Variants in GRM1 observed in about 807,000 individuals in gnomAD.
The protein encoded by GRM1 is glutamate metabotropic receptor 1.
A neutral mutation model predicts 90.9 loss-of-function variants in GRM1; 33 were observed. That is an observed-to-expected ratio of 0.36 (90% CI 0.28 to 0.49). The LOEUF is 0.49. Among genes scored for constraint, GRM1 ranks in the 20% least tolerant of loss-of-function variants. GRM1 has a pLI of 0.99. For synonymous variants in GRM1, 700 were observed against 613.2 expected, an observed-to-expected ratio of 1.14 and a Z score of -2.09; for missense variants, 1,190 against 1,534.3, an observed-to-expected ratio of 0.78 and a Z score of 3.75.
chr6:146,281,114 T>G (rs1367663352), intron 2 of GRM1, among the ~76,000 whole-genome samples: 3 of 152,190 alleles, frequency 2.0e-5, no homozygotes, highest in African/African-American at 7.2e-5. Flanking sequence ...ACAAAAACAT[T>G]TGGAAGAATT....
chr6:146,081,849 A>G (rs537224203), intron 1 of GRM1, among the ~76,000 whole-genome samples: 80 of 152,308 alleles, frequency 5.3e-4, no homozygotes, highest in Non-Finnish European at 9.7e-4. Context: ...AATAATAACT[A>G]TACAAAGTTT....
intron 2 of GRM1, among the ~76,000 whole-genome samples, chr6:146,196,097 G>T (rs1007522020): frequency 8.5e-5 from 13 of 152,186 alleles, no homozygotes; most frequent in African/African-American, 3.1e-4. Flanking sequence ...CAAGGCTGTT[G>T]TTGGTGCATG....
chr6:146,335,083 T>C (rs2115002446), intron 3 of GRM1, among the ~76,000 whole-genome samples: 1 of 152,290 alleles, frequency 6.6e-6, no homozygotes, highest in South Asian at 2.1e-4. Context: ...GCTATCTGCT[T>C]TCAGTTAAGA....
At chr6:146,095,228 G>A (rs534329130) in intron 1 of GRM1, among the ~76,000 whole-genome samples, 5 of 152,102 alleles carry the variant, frequency 3.3e-5, no homozygotes, top group African/African-American at 1.2e-4. Context: ...GTGAACTCCT[G>A]TTCAGGCCCC....
At chr6:146,287,622 A>T (rs889296593) in intron 2 of GRM1, among the ~76,000 whole-genome samples, 8 of 152,208 alleles carry the variant, frequency 5.3e-5, no homozygotes, top group Non-Finnish European at 1.2e-4. Context: ...GTCCCTTGAA[A>T]ATATTGACCC....
intron 2 of GRM1, among the ~76,000 whole-genome samples, chr6:146,298,068 C>T (rs187053818): frequency 1.5e-3 from 229 of 152,270 alleles, no homozygotes; most frequent in African/African-American, 5.4e-3. Flanking sequence ...CCCAGCCAGG[C>T]ATGATTGCCA....
intron 7 of GRM1, among the ~76,000 whole-genome samples, chr6:146,416,901 C>A (rs1344837712): frequency 1.3e-5 from 2 of 152,088 alleles, no homozygotes; most frequent in African/African-American, 4.8e-5. Context: ...TACCCTGTGC[C>A]TTGTGTAGCC....
chr6:146,368,545 T>C (rs936706083), intron 5 of GRM1, among the ~76,000 whole-genome samples: 4 of 152,070 alleles, frequency 2.6e-5, no homozygotes, highest in African/African-American at 9.7e-5. Context: ...GACAGACATT[T>C]CTTATATAAC....
intron 1 of GRM1, among the ~76,000 whole-genome samples, chr6:146,038,570 G>C (rs907790682): frequency 2.6e-5 from 4 of 151,966 alleles, no homozygotes; most frequent in Non-Finnish European, 4.4e-5. Flanking sequence ...ATACAGGGAA[G>C]TTCTGTGGTG....
intron 7 of GRM1, among the ~76,000 whole-genome samples, chr6:146,402,728 G>A (rs556293800): frequency 6.6e-6 from 1 of 152,282 alleles, no homozygotes; most frequent in Admixed American, 6.5e-5. Context: ...AAGTCCAACG[G>A]CATTCTCATG....
intron 5 of GRM1, among the ~76,000 whole-genome samples, chr6:146,382,034 C>T (rs1345628649): frequency 6.6e-6 from 1 of 152,060 alleles, no homozygotes; most frequent in African/African-American, 2.4e-5. Context: ...GTCTCACTAA[C>T]AAGCATAGAA....
At chr6:146,324,234 C>A (rs1396315318) in intron 3 of GRM1, among the ~76,000 whole-genome samples, 1 of 152,020 alleles carries the variant, frequency 6.6e-6, no homozygotes, top group African/African-American at 2.4e-5. Context: ...AATGGTGACA[C>A]CCCTCCACCC....
At chr6:146,080,278 T>A (rs1320548803) in intron 1 of GRM1, among the ~76,000 whole-genome samples, 1 of 152,192 alleles carries the variant, frequency 6.6e-6, no homozygotes, top group East Asian at 1.9e-4. Context: ...ATGGGTTGCA[T>A]AATAATACTT....
intron 1 of GRM1, among the ~76,000 whole-genome samples, chr6:146,065,683 A>G (rs1424178865): frequency 6.6e-6 from 1 of 152,156 alleles, no homozygotes; most frequent in Admixed American, 6.5e-5. Context: ...ACCCCTCCTG[A>G]TCCACGTGGA....
intron 2 of GRM1, among the ~76,000 whole-genome samples, chr6:146,190,765 T>A (rs149864021): frequency 1.5e-3 from 223 of 152,336 alleles, no homozygotes; most frequent in African/African-American, 4.6e-3. Flanking sequence ...TCATCATTTC[T>A]CATTTGGATT....
intron 1 of GRM1, among the ~76,000 whole-genome samples, chr6:146,104,891 C>T (rs534333832): frequency 1.2e-4 from 19 of 152,286 alleles, no homozygotes; most frequent in African/African-American, 4.1e-4. Flanking sequence ...CTTGGGGAAA[C>T]TTGTATAGGT....
intron 1 of GRM1, among the ~76,000 whole-genome samples, chr6:146,031,080 G>A (rs1207603165): frequency 1.3e-5 from 2 of 152,044 alleles, no homozygotes; most frequent in Non-Finnish European, 2.9e-5. Flanking sequence ...ATTAACCTAA[G>A]GTTAAAAGCT....
intron 4 of GRM1, among the ~76,000 whole-genome samples, chr6:146,356,298 C>A (rs3819833): frequency 0.2 from 30,198 of 152,126 alleles, 3,312 homozygotes; most frequent in South Asian, 0.27. Context: ...ACAGAAATGT[C>A]TTGCGCACAG....
At chr6:146,250,662 T>C (rs1299082540) in intron 2 of GRM1, among the ~76,000 whole-genome samples, 1 of 152,184 alleles carries the variant, frequency 6.6e-6, no homozygotes, top group Non-Finnish European at 1.5e-5. Context: ...GGATACTTCT[T>C]TTTACAGAGG....
Sources: gnomAD v4.1 joint callset for allele counts (sites outside exome capture counted in the v4.1 genomes callset) on GRCh38, gnomAD v4.1.1 for gene constraint, MANE v1.5 for transcripts, NCBI Gene and HGNC (gene_info 2026-07-23, HGNC 2026-07-21) for gene names.